CFAP69: variants seen among roughly 807,000 people sequenced by gnomAD.
The protein encoded by CFAP69 is cilia- and flagella-associated protein 69.
In CFAP69, 92 loss-of-function variants were observed where a neutral mutation model predicts 123.0. The observed-to-expected ratio is 0.75, with a 90% confidence interval of 0.63 to 0.89. The LOEUF (loss-of-function observed/expected upper bound fraction) is 0.89. Among genes scored for constraint, CFAP69 ranks in the 40% least tolerant of loss-of-function variants. CFAP69 has a pLI of 0.00. For synonymous variants in CFAP69, 380 were observed against 364.3 expected (o/e 1.04, Z -0.49); for missense variants, 1,067 against 1,096.9 (o/e 0.97, Z 0.39).
Position 90,245,179 on chromosome 7 carries a change from C to T in CFAP69, c.-246C>T, listed in dbSNP as rs577300090. 3.3e-5 allele frequency: 13 copies of T among 390,848 alleles called. No individual in the cohort carries two copies. Among genetic ancestry groups the T allele is most frequent in the Middle Eastern group, 6.7e-4 (1 of 1,502 alleles). 24.2% of individuals were successfully genotyped at this position (390,848 alleles called of 1,614,324 possible). On this transcript the variant is annotated 5_prime_UTR_variant, in exon 1 of 23. In the 5' UTR this introduces an upstream ATG that the reference lacks. Coordinates refer to ENST00000389297, the MANE Select transcript of CFAP69 (RefSeq NM_001039706.3). ...AGCCTCTGGCCCCGCCCCCTAGCAA[C>T]GCGCTGGCTTGTGTTAACAACCGGC...
chr7:90,314,493 G>A (rs1794594783), downstream of CFAP69, among the ~76,000 whole-genome samples: 1 of 151,872 alleles, frequency 6.6e-6, no homozygotes. Context: ...GAGTGGTGGT[G>A]TAGACCACAA....
chr7:90,277,491 C>A (rs1189670367), intron 11 of CFAP69, among the ~76,000 whole-genome samples, 157 bp downstream of exon 11: 1 of 152,020 alleles, frequency 6.6e-6, no homozygotes, highest in Non-Finnish European at 1.5e-5. Context: ...TAAATTTTTT[C>A]TTTGCTTATC....
intron 1 of CFAP69, among the ~76,000 whole-genome samples, chr7:90,251,603 A>G (rs1403154407): frequency 6.6e-6 from 1 of 152,202 alleles, no homozygotes; most frequent in Non-Finnish European, 1.5e-5. Context: ...ATAAAATCCC[A>G]TGCCAGACCA....
chr7:90,308,204 A>G (rs552330939), intron 21 of CFAP69, among the ~76,000 whole-genome samples: 1 of 152,264 alleles, frequency 6.6e-6, no homozygotes, highest in Admixed American at 6.5e-5. Flanking sequence ...AGTAAAGGAC[A>G]CAAAGAGCAA....
At chr7:90,272,311 C>T (rs1395079063) in intron 8 of CFAP69, 2 of 167,280 alleles carry the variant, frequency 1.2e-5, no homozygotes, top group East Asian at 1.7e-4. Flanking sequence ...ACAAAATGTG[C>T]GTAAGCCTTC....
chr7:90,247,862 A>G (rs1046382048), intron 1 of CFAP69, among the ~76,000 whole-genome samples: 5 of 152,226 alleles, frequency 3.3e-5, no homozygotes, highest in African/African-American at 1.2e-4. Flanking sequence ...AAAACAAAAC[A>G]AAACAAAAAG....
chr7:90,268,440 T>G lies in CFAP69; in HGVS notation c.532+56T>G, dbSNP rs1054222402. ...CTTGTGTATGTAGAAAACAGAACAT[T>G]CTCATATCTCTTTGAATTTGACAGA... On this transcript the variant is annotated intron_variant, in intron 6 of 22. Coordinates refer to ENST00000389297, the MANE Select transcript of CFAP69 (RefSeq NM_001039706.3). The G allele has an allele frequency of 2.4e-6, 3 of 1,262,076 alleles. No individual in the cohort carries two copies. In the African/African-American group the frequency reaches 4.5e-5, roughly 19 times the overall value. The allele number at this position is 1,262,076 out of a possible 1,614,324, so 78.2% of individuals were successfully genotyped here. A position where few individuals can be genotyped will look rare whatever the true frequency, so the allele number is the denominator to read the frequency against.
chr7:90,309,565 A>G (rs1794079104), intron 22 of CFAP69, among the ~76,000 whole-genome samples, 198 bp downstream of exon 22: 1 of 152,094 alleles, frequency 6.6e-6, no homozygotes, highest in Non-Finnish European at 1.5e-5. Context: ...TAATAAAAAA[A>G]AAACTTAGGC....
At chr7:90,258,197 T>C (rs775594556) in intron 3 of CFAP69, 34 bp downstream of exon 3, 9 of 1,369,060 alleles carry the variant, frequency 6.6e-6, no homozygotes, top group Non-Finnish European at 8.2e-6. Context: ...GTTCATTTCA[T>C]TTATTCTGAA....
At chr7:90,284,661 G>A (rs1311287910) in intron 13 of CFAP69, among the ~76,000 whole-genome samples, 1 of 152,182 alleles carries the variant, frequency 6.6e-6, no homozygotes, top group Non-Finnish European at 1.5e-5. Flanking sequence ...GAAGTCTTAG[G>A]ATTCTGTGAG....
rs148321005 is a variant in CFAP69, at chr7:90,281,527, G to A, written c.1373-1365G>A. 3.4e-3 allele frequency among the ~76,000 whole-genome samples: 523 copies of A among 152,082 alleles called. 20 individuals are homozygous for A. Among genetic ancestry groups the A allele is most frequent in the Admixed American group, 0.03 (464 of 15,270 alleles). Reference sequence around the variant, plus strand: ...TACTGCCAATCAGTGAGGGAAGGGTGGTGTTGGGGCAGTTGGTCCTCCATG... The same window carrying A: ...TACTGCCAATCAGTGAGGGAAGGGTAGTGTTGGGGCAGTTGGTCCTCCATG... On this transcript the variant is annotated intron_variant, in intron 12 of 22. Coordinates refer to ENST00000389297, the MANE Select transcript of CFAP69 (RefSeq NM_001039706.3).
intron 19 of CFAP69, 104 bp from the exon 20 acceptor site, chr7:90,306,795 GTT>G: frequency 1.4e-6 from 1 of 709,186 alleles, no homozygotes. Context: ...TTTAGGAAAA[GTT>G]TAAGTGTTAA....
At chr7:90,285,582 AC>A (rs1230125176) in intron 13 of CFAP69, among the ~76,000 whole-genome samples, 3 of 152,184 alleles carry the variant, frequency 2.0e-5, no homozygotes, top group African/African-American at 7.2e-5. Context: ...TGTTTAAAAC[AC>A]CTTCAGTTAG....
chr7:90,317,087 G>T, the CFAP69 span: 1 of 151,490 alleles, frequency 6.6e-6, no homozygotes, highest in Admixed American at 6.6e-5. Context: ...ATAGCTGTCA[G>T]GTCATTTTTT....
Position 90,272,002 on chromosome 7 carries a change from A to G in CFAP69, c.860+44A>G, listed in dbSNP as rs1011198160. ...ATAGGAATGTTCTTTTAATCTTAAA[A>G]TGACAGCCAGTGACATAACTAACAT... On this transcript the variant is annotated intron_variant, in intron 8 of 22. Transcript: ENST00000389297. 6 of 1,523,152 alleles carry G rather than the reference A, an allele frequency of 3.9e-6. No individual in the cohort carries two copies. The African/African-American group carries it at 6.9e-5, about 18-fold the overall frequency. The allele number at this position is 1,523,152 out of a possible 1,614,324, so 94.4% of individuals were successfully genotyped here.
chr7:90,251,411 G>A (rs904985747), intron 1 of CFAP69, among the ~76,000 whole-genome samples: 4 of 152,172 alleles, frequency 2.6e-5, no homozygotes, highest in African/African-American at 7.2e-5. Flanking sequence ...TGGAAGCAGA[G>A]GGACAAAAAC....
Position 90,258,147 on chromosome 7 carries a change from G to T in CFAP69, c.230G>T (p.Cys77Phe). 6.2e-7 allele frequency: 1 copy of T among 1,608,818 alleles called. No homozygotes were observed. The highest frequency in any genetic ancestry group is 8.5e-7 in the Non-Finnish European group (1 of 1,176,796). Residue 77 changes from cysteine (C) to phenylalanine (F), a missense_variant, in exon 3 of 23, where the codon TGT (cysteine) becomes TTT (phenylalanine). Coordinates refer to ENST00000389297, the MANE Select transcript of CFAP69 (RefSeq NM_001039706.3). ...QLKFVKKLVQ[C>F]YQNGLPLRDL... is the part of the protein sequence containing the mutation. ...AAATTTGTCAAGAAACTGGTACAGT[G>T]TTATCAGAATGGACTTGTATCCTTT...
At chr7:90,304,890 C>A in intron 19 of CFAP69, 70 bp downstream of exon 19, 1 of 1,069,924 alleles carries the variant, frequency 9.3e-7, no homozygotes, top group Admixed American at 2.2e-5. Flanking sequence ...AATAAAATAT[C>A]TATTCATGGT....
At chr7:90,312,319 T>C (rs980918211), downstream of CFAP69, among the ~76,000 whole-genome samples, 2 of 152,216 alleles carry the variant, frequency 1.3e-5, no homozygotes, top group Non-Finnish European at 2.9e-5. Flanking sequence ...TGGTGAGGCA[T>C]AAATACTACT....
Sources: gnomAD v4.1 joint callset for allele counts (sites outside exome capture counted in the v4.1 genomes callset) on GRCh38, gnomAD v4.1.1 for gene constraint, MANE v1.5 for transcripts, NCBI Gene and HGNC (gene_info 2026-07-23, HGNC 2026-07-21) for gene names.